Variants in ROBO2 observed in about 807,000 individuals in gnomAD.
ROBO2 encodes roundabout homolog 2.
A neutral mutation model predicts 160.8 loss-of-function variants in ROBO2; 53 were observed. The ratio of observed to expected loss-of-function variants is 0.33; its 90% CI spans 0.26 to 0.41. The LOEUF (loss-of-function observed/expected upper bound fraction) is 0.41, where lower values mean the gene tolerates loss of function less well. Ranked by LOEUF, ROBO2 falls within the 10% of genes least tolerant of loss-of-function variation. The pLI is 1.00. For synonymous variants in ROBO2, 664 were observed against 611.7 expected, an observed-to-expected ratio of 1.09 and a Z score of -1.26; for missense variants, 1,577 against 1,722.4, an observed-to-expected ratio of 0.92 and a Z score of 1.49.
chr3:77,541,829 A>T (rs1028132622), intron 6 of ROBO2, among the ~76,000 whole-genome samples: 2 of 152,234 alleles, frequency 1.3e-5, no homozygotes, highest in Non-Finnish European at 2.9e-5. Flanking sequence ...TCTCAGAGAC[A>T]TATAGGAGAA....
intron 2 of ROBO2, among the ~76,000 whole-genome samples, chr3:76,974,804 G>A (rs2059733436): frequency 6.6e-6 from 1 of 152,064 alleles, no homozygotes; most frequent in Non-Finnish European, 1.5e-5. Flanking sequence ...CCCTTAGAGG[G>A]CTTTGTGGGA....
intron 2 of ROBO2, among the ~76,000 whole-genome samples, chr3:77,003,150 T>G (rs1487578186): frequency 6.6e-6 from 1 of 152,204 alleles, no homozygotes; most frequent in Non-Finnish European, 1.5e-5. Context: ...ATGTAGCACC[T>G]TTGTAGTTCC....
intron 2 of ROBO2, among the ~76,000 whole-genome samples, chr3:76,182,803 GT>G (rs1373184946): frequency 6.6e-6 from 1 of 152,074 alleles, no homozygotes; most frequent in African/African-American, 2.4e-5. Flanking sequence ...AGTGGTGTTA[GT>G]TTTTTCATGA....
At position 76,120,378 on chromosome 3, in the gene ROBO2, T is replaced by C. The variant is rs913329236; in HGVS notation, c.109+182776T>C. On this transcript the variant is annotated intron_variant, in intron 2 of 26. Transcript: ENST00000487694. ...AGTGGTAGGGCAAGGTTCAAACTTA[T>C]GTTTGCAGAATTTAGTAATACTTAC... 4.6e-4 allele frequency among the ~76,000 whole-genome samples: 63 copies of C among 137,318 alleles called. 1 individual carries two copies. Among genetic ancestry groups the C allele is most frequent in the Admixed American group, 4.2e-3 (53 of 12,750 alleles). 90.1% of individuals were successfully genotyped at this position (137,318 alleles called of 152,430 possible). A position where few individuals can be genotyped will look rare whatever the true frequency, so the allele number is the denominator to read the frequency against.
At chr3:77,580,212 C>A in intron 16 of ROBO2, 94 bp downstream of exon 17, 4 of 1,124,832 alleles carry the variant, frequency 3.6e-6, no homozygotes, top group Non-Finnish European at 4.1e-6. Context: ...TGAATATACA[C>A]TTATGAATGA....
chr3:77,137,312 C>CACCT (rs1248848207), intron 2 of ROBO2, among the ~76,000 whole-genome samples: 2 of 151,500 alleles, frequency 1.3e-5, no homozygotes, highest in Non-Finnish European at 2.9e-5. Context: ...CTGCAACCTG[C>CACCT]ACCTCCCAGG....
intron 2 of ROBO2, among the ~76,000 whole-genome samples, chr3:76,694,405 C>T (rs2092882412): frequency 6.6e-6 from 1 of 152,170 alleles, no homozygotes; most frequent in Admixed American, 6.6e-5. Context: ...TTAGCTAGTT[C>T]AGTGACTGTT....
At chr3:77,164,867 A>G (rs374912175) in intron 2 of ROBO2, among the ~76,000 whole-genome samples, 88 of 16,086 alleles carry the variant, frequency 5.5e-3, no homozygotes, top group Admixed American at 7.1e-3. Context: ...CCGGCCAGCC[A>G]CCCCGTCCGG....
At chr3:77,136,044 G>A (rs2150386580) in intron 2 of ROBO2, among the ~76,000 whole-genome samples, 2 of 152,252 alleles carry the variant, frequency 1.3e-5, no homozygotes, top group South Asian at 4.1e-4. Flanking sequence ...AGTACATAGA[G>A]TAGCAATAAT....
intron 2 of ROBO2, among the ~76,000 whole-genome samples, chr3:76,465,371 G>A (rs1027355865): frequency 1.3e-5 from 2 of 151,902 alleles, no homozygotes; most frequent in African/African-American, 4.8e-5. Flanking sequence ...AAAAAATAGT[G>A]GGTAATAAAA....
chr3:76,653,017 A>G (rs1002189252), intron 2 of ROBO2, among the ~76,000 whole-genome samples: 2 of 152,020 alleles, frequency 1.3e-5, no homozygotes, highest in African/African-American at 4.8e-5. Flanking sequence ...TCCTTGAGAG[A>G]GTTAATTTCA....
intron 2 of ROBO2, among the ~76,000 whole-genome samples, chr3:76,115,469 T>C (rs1489236971): frequency 6.6e-6 from 1 of 152,138 alleles, no homozygotes; most frequent in Non-Finnish European, 1.5e-5. Context: ...CTTTACTGTT[T>C]ACTAGCTGTG....
rs553286668 is a variant in ROBO2, at chr3:77,213,542, T to C, written c.388+115202T>C. Among the ~76,000 whole-genome samples, 473 of 152,322 alleles carry C rather than the reference T, an allele frequency of 3.1e-3. 1 individual carries two copies. The highest frequency in any genetic ancestry group is 0.011 in the African/African-American group (450 of 41,566). ...TTCAAAAAACCAACTCCTGGATTCA[T>C]TGATTTTTTGAAGGGTTTTTTGTGT... On this transcript the variant is annotated intron_variant, in intron 2 of 25. Transcript: ENST00000461745.
intron 2 of ROBO2, among the ~76,000 whole-genome samples, chr3:76,778,141 G>A (rs1452516251): frequency 6.6e-6 from 1 of 151,042 alleles, no homozygotes. Flanking sequence ...AGCCTCCCCT[G>A]CTTCATTCTT....
chr3:76,305,851 A>C (rs1432435014), intron 2 of ROBO2, among the ~76,000 whole-genome samples: 6 of 152,074 alleles, frequency 3.9e-5, no homozygotes, highest in African/African-American at 1.4e-4. Context: ...CATCTCAAAA[A>C]AAAAAACAAA....
rs187162315 is a variant in ROBO2 at position 77,391,572 on chromosome 3, A to G, written c.389-85842A>G. Among the ~76,000 whole-genome samples the G allele has an allele frequency of 2.0e-5, 3 of 152,210 alleles. No homozygotes were observed. In the East Asian group the frequency reaches 5.8e-4, roughly 29 times the overall value. ...TCAGACATGGTTTTATAGCATGGCA[A>G]AGACCTGCCCCCATGATTCAATTAA... On this transcript the variant is annotated intron_variant, in intron 2 of 25. Transcript: ENST00000461745.
intron 2 of ROBO2, among the ~76,000 whole-genome samples, chr3:76,082,210 G>A (rs1237366315): frequency 6.6e-6 from 1 of 152,174 alleles, no homozygotes; most frequent in African/African-American, 2.4e-5. Flanking sequence ...AAGAGATGAT[G>A]TGACTACTGT....
intron 2 of ROBO2, among the ~76,000 whole-genome samples, chr3:76,266,051 G>A (rs1460053083): frequency 2.6e-5 from 4 of 152,010 alleles, no homozygotes; most frequent in East Asian, 1.9e-4. Flanking sequence ...AGGATAAAAT[G>A]TGAAGGAAAT....
chr3:76,136,973 G>A (rs1202488616), intron 2 of ROBO2, among the ~76,000 whole-genome samples: 1 of 151,924 alleles, frequency 6.6e-6, no homozygotes, highest in Non-Finnish European at 1.5e-5. Flanking sequence ...ATAGGAAAGA[G>A]GTGGAGTATC....
Sources: allele counts gnomAD v4.1 joint callset (sites outside exome capture counted in the v4.1 genomes callset), GRCh38; gene constraint gnomAD v4.1.1; transcripts MANE v1.5; gene names NCBI Gene and HGNC (gene_info 2026-07-23, HGNC 2026-07-21).